KIF16B: variants seen among roughly 807,000 people sequenced by gnomAD.
KIF16B encodes the protein kinesin-like protein KIF16B.
Under a neutral mutation model 156.3 loss-of-function variants are expected in KIF16B, and 98 were observed. The ratio of observed to expected loss-of-function variants is 0.63; its 90% confidence interval spans 0.53 to 0.74. The LOEUF (loss-of-function observed/expected upper bound fraction) is 0.74. KIF16B is among the 30% of genes least tolerant of loss of function. The pLI, the probability that KIF16B is intolerant of heterozygous loss-of-function variation, is 0.00. For missense variants in KIF16B, 1,421 were observed against 1,606.5 expected (o/e 0.88, Z 1.97); for synonymous variants, 564 against 583.7 (o/e 0.97, Z 0.49).
intron 1 of KIF16B, among the ~76,000 whole-genome samples, chr20:16,560,827 C>T (rs985316457): frequency 1.3e-5 from 2 of 151,924 alleles, no homozygotes; most frequent in African/African-American, 4.8e-5. Context: ...CAAGAGGAAA[C>T]GGAATTGGCA....
At chr20:16,337,743 G>A (rs992792565) in intron 23 of KIF16B, among the ~76,000 whole-genome samples, 1 of 152,176 alleles carries the variant, frequency 6.6e-6, no homozygotes, top group Admixed American at 6.5e-5. Context: ...AGCACAATCA[G>A]TGAGGATGTG....
At chr20:16,499,761 A>C (rs2068562478) in intron 10 of KIF16B, among the ~76,000 whole-genome samples, 1 of 152,198 alleles carries the variant, frequency 6.6e-6, no homozygotes. Context: ...ATAGAAGCAC[A>C]AAGACTCATG....
chr20:16,513,391 G>C (rs1416544498), intron 4 of KIF16B, among the ~76,000 whole-genome samples: 1 of 152,102 alleles, frequency 6.6e-6, no homozygotes, highest in Non-Finnish European at 1.5e-5. Context: ...GGGTGCGGTG[G>C]TTCACACTTG....
chr20:16,448,274 GA>G (rs2066987429), intron 12 of KIF16B, among the ~76,000 whole-genome samples: 1 of 152,312 alleles, frequency 6.6e-6, no homozygotes, highest in African/African-American at 2.4e-5. Context: ...GTCCTACAAA[GA>G]AGAGAGTTTT....
At chr20:16,423,994 G>C (rs2066289740) in intron 15 of KIF16B, among the ~76,000 whole-genome samples, 2 of 152,006 alleles carry the variant, frequency 1.3e-5, no homozygotes, top group Admixed American at 1.3e-4. Flanking sequence ...TCACTTCCTG[G>C]GCTAAAGGCA....
chr20:16,488,312 C>T (rs914305700), intron 12 of KIF16B, among the ~76,000 whole-genome samples: 5 of 152,240 alleles, frequency 3.3e-5, no homozygotes, highest in Non-Finnish European at 7.3e-5. Context: ...AAAGGGCTGC[C>T]AGCTTGGCGC....
Position 16,379,489 on chromosome 20 carries a change from T to C in KIF16B, c.2513A>G (p.Asn838Ser). ...FKRRQLVKLV[N>S]LEKDLVQQKD... is the part of the protein sequence containing the mutation. Reference sequence around the variant, plus strand: ...CTGCTGAACCAGGTCCTTCTCCAAGTTCACTAGCTTGACAAGCTGCCTTCT... The same window carrying C: ...CTGCTGAACCAGGTCCTTCTCCAAGCTCACTAGCTTGACAAGCTGCCTTCT... The change falls in exon 19 of 26, where the codon AAC becomes AGC. Residue 838 changes from asparagine to serine, a missense_variant. Asn to Ser is a conservative substitution (Grantham distance 46). Transcript: ENST00000354981. 6.2e-7 allele frequency: 1 copy of C among 1,614,162 alleles called. No homozygotes were observed. Among genetic ancestry groups the C allele is most frequent in the Non-Finnish European group, 8.5e-7 (1 of 1,180,026 alleles).
intron 25 of KIF16B, among the ~76,000 whole-genome samples, chr20:16,281,373 G>A (rs2063144110): frequency 6.6e-6 from 1 of 152,086 alleles, no homozygotes; most frequent in Admixed American, 6.5e-5. Flanking sequence ...CTTGGAAAAT[G>A]CATCATCCAC....
At chr20:16,501,278 TGG>T (rs1439404676) in intron 10 of KIF16B, among the ~76,000 whole-genome samples, 1 of 55,132 alleles carries the variant, frequency 1.8e-5, no homozygotes, top group Non-Finnish European at 4.6e-5. Flanking sequence ...ATTGAATTCT[TGG>T]TTCAATACCA....
At chr20:16,290,668 G>T (rs939206907) in intron 25 of KIF16B, among the ~76,000 whole-genome samples, 5 of 152,212 alleles carry the variant, frequency 3.3e-5, no homozygotes, top group African/African-American at 1.2e-4. Context: ...CCTTGGGGGA[G>T]TCAGGGTCAA....
At chr20:16,287,772 A>C (rs6043858) in intron 25 of KIF16B, among the ~76,000 whole-genome samples, 4,844 of 152,336 alleles carry the variant, frequency 0.032, 80 homozygotes, top group Middle Eastern at 0.037. Context: ...TAGACAATCC[A>C]TATCAGAAAA....
intron 12 of KIF16B, among the ~76,000 whole-genome samples, chr20:16,452,474 A>C (rs922680376): frequency 2.0e-5 from 3 of 151,680 alleles, no homozygotes; most frequent in Non-Finnish European, 4.4e-5. Context: ...ACAAAGCTAG[A>C]AAGCTGCAGT....
chr20:16,440,584 CAG>C (rs2066772242), intron 12 of KIF16B, among the ~76,000 whole-genome samples: 1 of 127,254 alleles, frequency 7.9e-6, no homozygotes, highest in African/African-American at 3.0e-5. Flanking sequence ...CACACACACA[CAG>C]GTACACATTT....
intron 23 of KIF16B, among the ~76,000 whole-genome samples, chr20:16,339,827 G>A (rs66752755): frequency 0.036 from 5,513 of 152,164 alleles, 112 homozygotes; most frequent in African/African-American, 0.047. Context: ...TATCTCCACT[G>A]TTCATATGTT....
chr20:16,274,112 T>A (rs771801544), intron 25 of KIF16B, among the ~76,000 whole-genome samples: 1 of 151,592 alleles, frequency 6.6e-6, no homozygotes, highest in African/African-American at 2.4e-5. Context: ...CGGCCATCTG[T>A]ACAAGGTTAA....
rs550156594 is a variant in KIF16B, at chr20:16,491,843, C to G, written c.1302+2448G>C. On this transcript the variant is annotated intron_variant, in intron 12 of 25. Coordinates refer to ENST00000354981, the MANE Select transcript of KIF16B (RefSeq NM_024704.5). Reference sequence around the variant, plus strand: ...TCAACAGGACCGTGGATTCCACTCACGCAGGGCAAGGGAAGCCACCGACTA... The same window carrying G: ...TCAACAGGACCGTGGATTCCACTCAGGCAGGGCAAGGGAAGCCACCGACTA... Among the ~76,000 whole-genome samples the G allele has an allele frequency of 3.9e-5, 6 of 152,158 alleles. No homozygotes were observed. The South Asian group carries it at 6.2e-4, about 16-fold the overall frequency.
chr20:16,371,389 C>G (rs1294382771), intron 21 of KIF16B, among the ~76,000 whole-genome samples: 1 of 152,078 alleles, frequency 6.6e-6, no homozygotes, highest in East Asian at 1.9e-4. Context: ...GAGTTTGAGA[C>G]AAGCCTGGCT....
At chr20:16,386,498 T>C (rs550685200) in intron 17 of KIF16B, among the ~76,000 whole-genome samples, 54 of 151,758 alleles carry the variant, frequency 3.6e-4, no homozygotes, top group African/African-American at 1.3e-3. Flanking sequence ...AACCTGGAGA[T>C]GGTGAATGTA....
intron 24 of KIF16B, among the ~76,000 whole-genome samples, chr20:16,330,438 AT>A (rs1392811408): frequency 5.3e-5 from 8 of 152,232 alleles, no homozygotes; most frequent in Admixed American, 5.2e-4. Flanking sequence ...AACTTAGTGC[AT>A]TCTTTACTGA....
Sources: allele counts gnomAD v4.1 joint callset (sites outside exome capture counted in the v4.1 genomes callset), GRCh38; gene constraint gnomAD v4.1.1; transcripts MANE v1.5; gene names NCBI Gene and HGNC (gene_info 2026-07-23, HGNC 2026-07-21).